Variants in USP25 observed in about 807,000 individuals in gnomAD.
The protein encoded by USP25 is ubiquitin specific peptidase 25.
USP25 carries 85 observed loss-of-function variants against 158.5 expected under a neutral mutation model. The observed-to-expected ratio is 0.54, with a 90% confidence interval of 0.45 to 0.64. The LOEUF (loss-of-function observed/expected upper bound fraction) is 0.64. Ranked by LOEUF, USP25 falls within the 30% of genes least tolerant of loss-of-function variation. The pLI, the probability that USP25 is intolerant of heterozygous loss-of-function variation, is 0.00. For missense variants in USP25, 1,242 were observed against 1,327.3 expected (o/e 0.94, Z 1.00); for synonymous variants, 464 against 460.4 (o/e 1.01, Z -0.10).
intron 4 of USP25, 138 bp from the exon 5 acceptor site, chr21:15,791,364 G>C (rs2035582139): frequency 1.1e-6 from 1 of 935,424 alleles, no homozygotes; most frequent in Admixed American, 3.8e-5. Context: ...ACGTGTATTT[G>C]AGTAAAGTTA....
intron 20 of USP25, among the ~76,000 whole-genome samples, chr21:15,856,557 C>T (rs1388633868): frequency 2.6e-5 from 4 of 152,138 alleles, no homozygotes; most frequent in East Asian, 3.9e-4. Context: ...CTGCAAGCTC[C>T]GCCTCCCGGG....
rs2036459363 is a variant in USP25, at chr21:15,807,671, G to A, written c.781-1138G>A. Among the ~76,000 whole-genome samples, 2 of 152,204 alleles carry A rather than the reference G, an allele frequency of 1.3e-5. 1 individual carries two copies. The highest frequency in any genetic ancestry group is 1.3e-4 in the Admixed American group (2 of 15,282). On this transcript the variant is annotated intron_variant, in intron 7 of 25. Transcript: ENST00000400183. ...TCCTCTTCATGTGGCTTTCCCTCATGTGTCTGTCTGTCTTCTGGTTTTCTG... is the reference window on the plus strand; with the variant it reads ...TCCTCTTCATGTGGCTTTCCCTCATATGTCTGTCTGTCTTCTGGTTTTCTG...
chr21:15,863,265 T>C (rs2039511151), intron 20 of USP25, among the ~76,000 whole-genome samples: 1 of 152,116 alleles, frequency 6.6e-6, no homozygotes, highest in African/African-American at 2.4e-5. Context: ...ATTATTTGTA[T>C]ATTATGAGGT....
At chr21:15,758,366 C>G (rs1226712589) in intron 1 of USP25, among the ~76,000 whole-genome samples, 3 of 152,070 alleles carry the variant, frequency 2.0e-5, no homozygotes, top group Admixed American at 6.6e-5. Context: ...TGGGAGGGAC[C>G]AGGTGGAAAT....
intron 19 of USP25, among the ~76,000 whole-genome samples, chr21:15,848,273 T>C (rs1264768434): frequency 2.0e-5 from 3 of 152,142 alleles, no homozygotes; most frequent in African/African-American, 7.2e-5. Context: ...CGTTACTGAG[T>C]GCCTACCGTT....
At chr21:15,786,608 A>G (rs549985649) in intron 4 of USP25, among the ~76,000 whole-genome samples, 149 of 152,234 alleles carry the variant, frequency 9.8e-4, no homozygotes, top group Middle Eastern at 3.4e-3. Context: ...ATAGATATAG[A>G]AAGTATGTAC....
intron 17 of USP25, among the ~76,000 whole-genome samples, chr21:15,834,294 C>T (rs1251456830): frequency 1.3e-5 from 2 of 152,168 alleles, no homozygotes; most frequent in Non-Finnish European, 2.9e-5. Context: ...TTACTCTTCA[C>T]TGAGTTGCAA....
At chr21:15,788,257 A>G (rs1157293930) in intron 4 of USP25, among the ~76,000 whole-genome samples, 2 of 151,916 alleles carry the variant, frequency 1.3e-5, no homozygotes, top group Non-Finnish European at 2.9e-5. Flanking sequence ...ATCATTGGAA[A>G]GGCCAGGGGA....
Position 15,774,344 on chromosome 21 carries a change from A to C in USP25, c.269-3560A>C, listed in dbSNP as rs545786231. Among the ~76,000 whole-genome samples, 5 of 152,314 alleles carry C rather than the reference A, an allele frequency of 3.3e-5. No homozygotes were observed. In the South Asian group the frequency reaches 1.0e-3, roughly 32 times the overall value. The stretch of plus-strand genomic sequence containing the variant: ...AAAAGTTGAATTTGTTAATATCACC[A>C]CTCATATACAAGCCTTTAAGTATTG... On this transcript the variant is annotated intron_variant, in intron 3 of 25. Coordinates refer to ENST00000400183, the MANE Select transcript of USP25 (RefSeq NM_001283041.3).
chr21:15,758,762 C>A (rs1342615467), intron 1 of USP25, among the ~76,000 whole-genome samples: 1 of 152,102 alleles, frequency 6.6e-6, no homozygotes, highest in African/African-American at 2.4e-5. Flanking sequence ...TACATGGTGG[C>A]AGGCAAGAGA....
chr21:15,860,057 C>T (rs1450170432), intron 20 of USP25, among the ~76,000 whole-genome samples: 3 of 147,182 alleles, frequency 2.0e-5, no homozygotes, highest in Non-Finnish European at 4.5e-5. Flanking sequence ...GGCACAGTAT[C>T]GGCTCACTGC....
At chr21:15,811,016 T>C in intron 8 of USP25, 121 bp from the exon 9 acceptor site, 1 of 800,362 alleles carries the variant, frequency 1.2e-6, no homozygotes, top group East Asian at 2.6e-5. Context: ...CAGAGCTAAA[T>C]GCAAGTGCGT....
At chr21:15,732,624 A>G (rs73355468) in intron 1 of USP25, among the ~76,000 whole-genome samples, 7,655 of 152,292 alleles carry the variant, frequency 0.05, 639 homozygotes, top group African/African-American at 0.17. Context: ...TCTCACCTTA[A>G]AAAACTGTGT....
chr21:15,863,239 TTTG>T (rs1298705039), intron 20 of USP25, among the ~76,000 whole-genome samples: 1 of 152,114 alleles, frequency 6.6e-6, no homozygotes, highest in Non-Finnish European at 1.5e-5. Flanking sequence ...TGCATTAGTA[TTTG>T]TTATTTCCCA....
intron 23 of USP25, among the ~76,000 whole-genome samples, chr21:15,871,516 A>T (rs565111699): frequency 6.6e-6 from 1 of 152,336 alleles, no homozygotes; most frequent in Admixed American, 6.5e-5. Context: ...GAAAAATTAA[A>T]ATAGAGACCT....
At chr21:15,775,736 G>GCCCCCCCCCCCCCCCCCCCCCCC (rs1313163260) in intron 3 of USP25, among the ~76,000 whole-genome samples, 1 of 20,922 alleles carries the variant, frequency 4.8e-5, no homozygotes. Context: ...GATAATGGTT[G>GCCCCCCCCCCCCCCCCCCCCCCC]CCACCCCCCC....
intron 2 of USP25, among the ~76,000 whole-genome samples, chr21:15,765,336 G>T (rs1426721485): frequency 6.6e-6 from 1 of 152,084 alleles, no homozygotes; most frequent in East Asian, 1.9e-4. Flanking sequence ...TCTTATTCTG[G>T]CATCTGCTTT....
chr21:15,804,971 ACTTT>A, intron 6 of USP25, 146 bp from the exon 7 acceptor site: 1 of 790,328 alleles, frequency 1.3e-6, no homozygotes, highest in Non-Finnish European at 1.8e-6. Flanking sequence ...CCAACACTCT[ACTTT>A]CTTCAATTAT....
chr21:15,748,315 T>C (rs1049008712), intron 1 of USP25, among the ~76,000 whole-genome samples: 8 of 152,114 alleles, frequency 5.3e-5, no homozygotes, highest in Non-Finnish European at 1.0e-4. Context: ...AGAGTCTTGC[T>C]CTCTTGCCCA....
Sources: allele counts gnomAD v4.1 joint callset (sites outside exome capture counted in the v4.1 genomes callset), GRCh38; gene constraint gnomAD v4.1.1; transcripts MANE v1.5; gene names NCBI Gene and HGNC (gene_info 2026-07-23, HGNC 2026-07-21).